BRCA2: variants seen among roughly 807,000 people sequenced by gnomAD.
BRCA2 encodes breast cancer type 2 susceptibility protein.
A neutral mutation model predicts 276.7 loss-of-function variants in BRCA2; 203 were observed. That is an observed-to-expected ratio of 0.73 (90% CI 0.65 to 0.82). BRCA2 has a LOEUF of 0.82. Ranked by LOEUF, BRCA2 falls within the 40% of genes least tolerant of loss-of-function variation. The pLI, the probability that BRCA2 is intolerant of heterozygous loss-of-function variation, is 0.00. For missense variants in BRCA2, 3,920 were observed against 3,915.0 expected (o/e 1.00, Z -0.03); for synonymous variants, 1,289 against 1,338.4 (o/e 0.96, Z 0.81).
intron 20 of BRCA2, chr13:32,375,479 A>C (rs2072864731): frequency 2.7e-6 from 1 of 363,882 alleles, no homozygotes; most frequent in African/African-American, 2.1e-5. Context: ...AGAATGGTGA[A>C]TCCTTTCTGG....
intron 16 of BRCA2, among the ~76,000 whole-genome samples, chr13:32,359,768 A>C (rs2072726410): frequency 6.6e-6 from 1 of 152,216 alleles, no homozygotes; most frequent in Non-Finnish European, 1.5e-5. Flanking sequence ...ATAAGGTAGA[A>C]GTTAAGAATG....
In BRCA2 at chr13:32,344,344, T is replaced by A. The variant is rs11571672; in HGVS notation, c.6842-214T>A. On this transcript the variant is annotated intron_variant, in intron 11 of 26. Transcript: ENST00000380152. ...ATCCTGTTTAGACCCTGTTAAATAG[T>A]GGTGTTTTAAAGTGGTCAAAACAGA... is the stretch of plus-strand genomic sequence containing the variant. Among the ~76,000 whole-genome samples, 584 of 152,226 alleles carry A rather than the reference T, an allele frequency of 3.8e-3. 5 individuals carry two copies. Among genetic ancestry groups the A allele is most frequent in the African/African-American group, 0.013 (551 of 41,562 alleles).
At position 32,337,583 on chromosome 13, in the gene BRCA2, AGTT is replaced by A. The variant is rs1064795381; in HGVS notation, c.3232_3234del (p.Val1078del). On this transcript the variant is annotated inframe_deletion, in exon 11 of 27. Coordinates refer to ENST00000380152, the MANE Select transcript of BRCA2 (RefSeq NM_000059.4). Reference sequence around the variant, plus strand: ...TATCTGCACATTTACAGAGTAGTGTAGTTGTTTCTGATTGTAAAAATAGTCATA... The same window carrying A: ...TATCTGCACATTTACAGAGTAGTGTAGTTTCTGATTGTAAAAATAGTCATA... 1 of 1,598,148 alleles carries A rather than the reference AGTT, an allele frequency of 6.3e-7. No individual in the cohort carries two copies. The highest frequency in any genetic ancestry group is 8.5e-7 in the Non-Finnish European group (1 of 1,172,466).
chr13:32,347,851 A>C (rs1277894195), intron 13 of BRCA2, among the ~76,000 whole-genome samples: 1 of 152,216 alleles, frequency 6.6e-6, no homozygotes, highest in Non-Finnish European at 1.5e-5. Context: ...TTAACTGTTG[A>C]CATGCACAGA....
chr13:32,338,027 C>T lies in BRCA2; in HGVS notation c.3672C>T (p.Gly1224=), dbSNP rs587780650. The change falls in exon 11 of 27, where the codon GGC becomes GGT. Residue 1224 remains glycine (G), a synonymous_variant. Coordinates refer to ENST00000380152, the MANE Select transcript of BRCA2 (RefSeq NM_000059.4). ...TTAGGGGCTTTTATTCTGCTCATGGCACAAAACTGAATGTTTCTACTGAAG... is the reference window on the plus strand; with the variant it reads ...TTAGGGGCTTTTATTCTGCTCATGGTACAAAACTGAATGTTTCTACTGAAG... ...VGFRGFYSAH[G]TKLNVSTEAL... 9 of 1,611,974 alleles carry T rather than the reference C, an allele frequency of 5.6e-6. No homozygotes were observed. In the East Asian group the frequency reaches 6.7e-5, roughly 12 times the overall value.
At chr13:32,368,050 C>A (rs1390381302) in intron 18 of BRCA2, among the ~76,000 whole-genome samples, 1 of 111,108 alleles carries the variant, frequency 9.0e-6, no homozygotes, top group Non-Finnish European at 1.7e-5. Context: ...GATGGAGTCT[C>A]GCACTGTCGC....
Position 32,336,772 on chromosome 13 carries a change from A to G in BRCA2, c.2417A>G (p.Asp806Gly), listed in dbSNP as rs80358506. 2 of 1,610,920 alleles carry G rather than the reference A, an allele frequency of 1.2e-6. No homozygotes were observed. Among genetic ancestry groups the G allele is most frequent in the Non-Finnish European group, 1.7e-6 (2 of 1,178,834 alleles). Residue 806 changes from aspartate to glycine, a missense_variant, in exon 11 of 27, where the codon GAT becomes GGT. Asp to Gly is a moderately conservative substitution (Grantham distance 94). Coordinates refer to ENST00000380152, the MANE Select transcript of BRCA2 (RefSeq NM_000059.4). ...CTCAAAGGTAACAATTATGAATCTGATGTTGAATTAACCAAAAATATTCCC... is the reference window on the plus strand; with the variant it reads ...CTCAAAGGTAACAATTATGAATCTGGTGTTGAATTAACCAAAAATATTCCC... Reference protein sequence around the residue: ...DKLKGNNYESDVELTKNIPME... With the variant: ...DKLKGNNYESGVELTKNIPME...
intron 8 of BRCA2, among the ~76,000 whole-genome samples, chr13:32,330,659 T>G (rs933555593): frequency 1.3e-5 from 2 of 152,196 alleles, no homozygotes; most frequent in Admixed American, 1.3e-4. Context: ...GGTGCAAGTT[T>G]TTTTTTCTCC....
Position 32,341,007 on chromosome 13 carries a change from G to T in BRCA2, c.6652G>T (p.Asp2218Tyr), listed in dbSNP as rs730881547. ...NIEVCSTYSK[D>Y]SENYFETEAV... Reference sequence around the variant, plus strand: ...AGAAGTTTGTTCTACTTACTCCAAAGATTCAGAAAACTACTTTGAAACAGA... The same window carrying T: ...AGAAGTTTGTTCTACTTACTCCAAATATTCAGAAAACTACTTTGAAACAGA... The change falls in exon 11 of 27, where the codon GAT (aspartate) becomes TAT (tyrosine). Residue 2218 changes from aspartate (D) to tyrosine (Y), a missense_variant. This residue lies in a region of BRCA2 where 3,263 missense variants were observed against 3,156.9 expected (regional missense o/e 1.03). Transcript: ENST00000380152. 1 of 1,612,680 alleles carries T rather than the reference G, an allele frequency of 6.2e-7. No individual in the cohort carries two copies. Among genetic ancestry groups the T allele is most frequent in the African/African-American group, 1.3e-5 (1 of 74,838 alleles).
In BRCA2 at chr13:32,396,952, G is replaced by A. The variant is rs2073040786; in HGVS notation, c.9556G>A (p.Ala3186Thr). The A allele has an allele frequency of 6.2e-7, 1 of 1,614,032 alleles. No homozygotes were observed. Among genetic ancestry groups the A allele is most frequent in the South Asian group, 1.1e-5 (1 of 91,082 alleles). ...AAACAAGCTTATGCATATACTGCATGCAAATGATCCCAAGTGGTCCACCCC... is the reference window on the plus strand; with the variant it reads ...AAACAAGCTTATGCATATACTGCATACAAATGATCCCAAGTGGTCCACCCC... ...AENKLMHILH[A>T]NDPKWSTPTK... The change falls in exon 26 of 27, where the codon GCA (alanine) becomes ACA (threonine). Residue 3186 changes from alanine (A) to threonine (T), a missense_variant. Physicochemically the swap from Ala to Thr is moderately conservative, Grantham distance 58 (BLOSUM62 0). Around this residue, in one of 2 missense-constraint regions of BRCA2, gnomAD observed 657 missense variants for 758.2 expected, o/e 0.87. Transcript: ENST00000380152.
intron 3 of BRCA2, among the ~76,000 whole-genome samples, chr13:32,322,566 G>T (rs1024389303): frequency 2.0e-5 from 3 of 152,196 alleles, no homozygotes; most frequent in Admixed American, 1.3e-4. Flanking sequence ...GTTTAAGAAC[G>T]CCTTTAAGCG....
At position 32,332,326 on chromosome 13, in the gene BRCA2, T is replaced by C. The variant is rs730881507; in HGVS notation, c.848T>C (p.Ile283Thr). ...SFKVNSCKDH[I>T]GKSMPNVLED... Reference sequence around the variant, plus strand: ...AAAGTAAATAGCTGCAAAGACCACATTGGAAAGTCAATGCCAAATGTCCTA... The same window carrying C: ...AAAGTAAATAGCTGCAAAGACCACACTGGAAAGTCAATGCCAAATGTCCTA... Residue 283 changes from isoleucine to threonine, a missense_variant, in exon 10 of 27, where the codon ATT becomes ACT. Coordinates refer to ENST00000380152, the MANE Select transcript of BRCA2 (RefSeq NM_000059.4). The C allele has an allele frequency of 6.2e-7, 1 of 1,603,692 alleles. No individual in the cohort carries two copies. Among genetic ancestry groups the C allele is most frequent in the Non-Finnish European group, 8.5e-7 (1 of 1,175,998 alleles).
Position 32,398,325 on chromosome 13 carries a change from T to C in BRCA2, c.9812T>C (p.Leu3271Ser), listed in dbSNP as rs397507436. The C allele has an allele frequency of 1.9e-6, 3 of 1,614,028 alleles. No homozygotes were observed. In the Admixed American group the frequency reaches 5.0e-5, roughly 27 times the overall value. The change falls in exon 27 of 27, where the codon TTG becomes TCG. Residue 3271 changes from leucine (L) to serine (S), a missense_variant. Leu to Ser is a moderately radical substitution (Grantham distance 145, BLOSUM62 -2). Coordinates refer to ENST00000380152, the MANE Select transcript of BRCA2 (RefSeq NM_000059.4). ...AAGAACTGCAAAAAGAGAAGAGCCTTGGATTTCTTGAGTAGACTGCCTTTA... is the reference window on the plus strand; with the variant it reads ...AAGAACTGCAAAAAGAGAAGAGCCTCGGATTTCTTGAGTAGACTGCCTTTA... ...DQKNCKKRRA[L>S]DFLSRLPLPP...
chr13:32,317,114 G>T (rs1259231619), intron 2 of BRCA2, among the ~76,000 whole-genome samples: 1 of 152,130 alleles, frequency 6.6e-6, no homozygotes, highest in East Asian at 1.9e-4. Context: ...CAGGAGAATC[G>T]CTTGAACCCT....
In BRCA2 at chr13:32,339,168, G is replaced by A. The variant is rs786201175; in HGVS notation, c.4813G>A (p.Val1605Ile). 2.7e-5 allele frequency: 44 copies of A among 1,613,744 alleles called. 2 individuals are homozygous for A. The highest frequency in any genetic ancestry group is 1.3e-5 in the African/African-American group (1 of 74,902). Residue 1605 changes from valine to isoleucine, a missense_variant, in exon 11 of 27, where the codon GTT becomes ATT. Transcript: ENST00000380152. ...TTCTCTCAATAATGATAAAAACCTT[G>A]TTTCTATTGAGACTGTGGTGCCACC... ...QNSLNNDKNL[V>I]SIETVVPPKL...
At position 32,325,064 on chromosome 13, in the gene BRCA2, G is replaced by T. The variant is rs81002841; in HGVS notation, c.317-12G>T. 2 of 1,514,254 alleles carry T rather than the reference G, an allele frequency of 1.3e-6. No homozygotes were observed. Among genetic ancestry groups the T allele is most frequent in the African/African-American group, 1.4e-5 (1 of 72,712 alleles). The allele number at this position is 1,514,254 out of a possible 1,614,324, so 93.8% of individuals were successfully genotyped here. A position where few individuals can be genotyped will look rare whatever the true frequency, so the allele number is the denominator to read the frequency against. ...GTATATACATTCTCACTGAATTATT[G>T]TACTGTTTCAGGAAGGAATGTTCCC... is the stretch of plus-strand genomic sequence containing the variant. On this transcript the variant is annotated splice_polypyrimidine_tract_variant and intron_variant, in intron 3 of 26. Coordinates refer to ENST00000380152, the MANE Select transcript of BRCA2 (RefSeq NM_000059.4).
chr13:32,340,577 C>A lies in BRCA2; in HGVS notation c.6222C>A (p.His2074Gln), dbSNP rs1555284601. ...TTTCCATTTTAGAAAGTTCCTTACACAAAGTTAAGGGAGTGTTAGAGGAAT... is the reference window on the plus strand; with the variant it reads ...TTTCCATTTTAGAAAGTTCCTTACAAAAAGTTAAGGGAGTGTTAGAGGAAT... ...KQVSILESSL[H>Q]KVKGVLEEFD... The change falls in exon 11 of 27, where the codon CAC (histidine) becomes CAA (glutamine). Residue 2074 changes from histidine to glutamine, a missense_variant. This residue lies in a region of BRCA2 where 3,263 missense variants were observed against 3,156.9 expected (regional missense o/e 1.03). Coordinates refer to ENST00000380152, the MANE Select transcript of BRCA2 (RefSeq NM_000059.4). 6.2e-7 allele frequency: 1 copy of A among 1,611,868 alleles called. No individual in the cohort carries two copies. The highest frequency in any genetic ancestry group is 8.5e-7 in the Non-Finnish European group (1 of 1,178,880).
At chr13:32,377,048 TGTTTTA>T (rs750417283) in intron 21 of BRCA2, among the ~76,000 whole-genome samples, 2 of 152,188 alleles carry the variant, frequency 1.3e-5, no homozygotes, top group Non-Finnish European at 2.9e-5. Flanking sequence ...AGGCAAAACT[TGTTTTA>T]TTTTTGTCCC....
At chr13:32,395,881 G>A (rs998858309) in intron 25 of BRCA2, 3 of 181,022 alleles carry the variant, frequency 1.7e-5, no homozygotes, top group Middle Eastern at 2.8e-3. Flanking sequence ...TAAATTAGGG[G>A]TGGGAGTTGT....
Sources: allele counts gnomAD v4.1 joint callset (sites outside exome capture counted in the v4.1 genomes callset), GRCh38; gene constraint gnomAD v4.1.1; regional missense constraint gnomAD v4.1.1; transcripts MANE v1.5; gene names NCBI Gene and HGNC (gene_info 2026-07-23, HGNC 2026-07-21).